Variants in NTM observed in about 807,000 individuals in gnomAD.
NTM encodes neurotrimin, also known as IgLON family member 2.
NTM carries 13 observed loss-of-function variants against 42.1 expected under a neutral mutation model. The observed-to-expected ratio is 0.31, with a 90% CI of 0.20 to 0.49. The LOEUF is 0.49. Among genes scored for constraint, NTM ranks in the 20% least tolerant of loss-of-function variants. The probability of loss-of-function intolerance (pLI) is 0.99; values close to 1 mark genes in which losing one functional copy is unlikely to be tolerated. For missense variants in NTM, 373 were observed against 452.8 expected, an observed-to-expected ratio of 0.82 and a Z score of 1.60; for synonymous variants, 187 against 179.2, an observed-to-expected ratio of 1.04 and a Z score of -0.35.
In NTM at chr11:131,540,099, T is replaced by C. The variant is rs142354030; in HGVS notation, c.82+169211T>C. Among the ~76,000 whole-genome samples the C allele has an allele frequency of 8.8e-3, 1,328 of 150,778 alleles. 14 individuals carry two copies. The highest frequency in any genetic ancestry group is 0.023 in the South Asian group (108 of 4,740). On this transcript the variant is annotated intron_variant, in intron 1 of 8. Coordinates refer to ENST00000683400, the MANE Select transcript of NTM (RefSeq NM_001352005.2). ...TCTGGCTGATTCATTAGAAAATGCA[T>C]AGCAACTCAACATTTCTGAAAACAG...
intron 4 of NTM, among the ~76,000 whole-genome samples, chr11:132,238,823 G>A (rs997877903): frequency 6.6e-6 from 1 of 152,146 alleles, no homozygotes. Flanking sequence ...GCAGGTCTGG[G>A]GTAGGGCTGA....
chr11:132,322,043 A>G lies in NTM; in HGVS notation c.934+7340A>G, dbSNP rs112114642. Reference sequence around the variant, plus strand: ...CCTGAAGGAAGTGCTAAACATGGAAAGGAACAACTGGTACCATCCACTGCA... The same window carrying G: ...CCTGAAGGAAGTGCTAAACATGGAAGGGAACAACTGGTACCATCCACTGCA... On this transcript the variant is annotated intron_variant, in intron 7 of 8. Coordinates refer to ENST00000683400, the MANE Select transcript of NTM (RefSeq NM_001352005.2). 7.7e-3 allele frequency among the ~76,000 whole-genome samples: 1,177 copies of G among 152,296 alleles called. 14 individuals carry two copies. Among genetic ancestry groups the G allele is most frequent in the Middle Eastern group, 0.068 (20 of 294 alleles).
At chr11:132,313,089 TAA>T (rs2095325945) in intron 6 of NTM, among the ~76,000 whole-genome samples, 4 of 152,146 alleles carry the variant, frequency 2.6e-5, no homozygotes, top group Non-Finnish European at 5.9e-5. Context: ...AAGGTTACTG[TAA>T]GTTGCAGGAG....
intron 1 of NTM, among the ~76,000 whole-genome samples, chr11:131,444,657 G>T (rs139544263): frequency 6.6e-6 from 1 of 152,286 alleles, no homozygotes; most frequent in East Asian, 1.9e-4. Context: ...CTATACTAGA[G>T]CCTTAAGAAG....
intron 1 of NTM, among the ~76,000 whole-genome samples, chr11:131,785,299 CAGCG>C (rs2136046116): frequency 6.6e-6 from 1 of 152,220 alleles, no homozygotes; most frequent in Non-Finnish European, 1.5e-5. Flanking sequence ...ATGGTGAGGC[CAGCG>C]TCGGATCAGA....
At chr11:131,680,979 C>T (rs1404941003) in intron 1 of NTM, among the ~76,000 whole-genome samples, 3 of 29,790 alleles carry the variant, frequency 1.0e-4, no homozygotes, top group African/African-American at 3.0e-4. Context: ...GTATGTCTCC[C>T]TGTGTGTGTG....
chr11:132,159,270 C>T (rs1002094321), intron 3 of NTM, among the ~76,000 whole-genome samples: 1 of 152,180 alleles, frequency 6.6e-6, no homozygotes, highest in African/African-American at 2.4e-5. Flanking sequence ...TGGAAGGGGT[C>T]CCGTGGCCAC....
chr11:131,663,776 C>A (rs1421777894), intron 1 of NTM, among the ~76,000 whole-genome samples: 3 of 151,934 alleles, frequency 2.0e-5, no homozygotes, highest in Admixed American at 6.6e-5. Flanking sequence ...AAGTGTCAGA[C>A]GTCTTACTAA....
At chr11:131,719,842 G>A (rs1346758999) in intron 1 of NTM, among the ~76,000 whole-genome samples, 4 of 152,184 alleles carry the variant, frequency 2.6e-5, no homozygotes, top group Admixed American at 2.0e-4. Context: ...TTCAACTTTA[G>A]GCGAAACTCA....
intron 1 of NTM, among the ~76,000 whole-genome samples, chr11:131,433,410 T>A (rs1948850922): frequency 6.6e-6 from 1 of 152,210 alleles, no homozygotes; most frequent in Non-Finnish European, 1.5e-5. Context: ...GGAACTCCCA[T>A]CACCACTAAC....
intron 4 of NTM, among the ~76,000 whole-genome samples, chr11:132,268,773 T>G (rs2139658416): frequency 6.6e-6 from 1 of 152,164 alleles, no homozygotes; most frequent in Non-Finnish European, 1.5e-5. Flanking sequence ...GCTAATATTT[T>G]AGTTCCATAG....
chr11:132,071,323 A>G (rs1170154760), intron 2 of NTM, among the ~76,000 whole-genome samples: 6 of 128,410 alleles, frequency 4.7e-5, no homozygotes, highest in African/African-American at 9.6e-5. Context: ...CACACTGACC[A>G]TCACAGGTTA....
intron 1 of NTM, among the ~76,000 whole-genome samples, chr11:131,432,799 C>G (rs183786347): frequency 2.2e-5 from 3 of 139,462 alleles, no homozygotes; most frequent in Admixed American, 7.4e-5. Context: ...TTCATAAATT[C>G]TAGACATTCA....
chr11:131,493,060 AAAG>A (rs984286309), intron 1 of NTM, among the ~76,000 whole-genome samples: 1 of 152,028 alleles, frequency 6.6e-6, no homozygotes, highest in Non-Finnish European at 1.5e-5. Context: ...CTACCAAAAA[AAAG>A]AAAAAAATAC....
At chr11:131,929,324 G>A (rs1370707443) in intron 2 of NTM, among the ~76,000 whole-genome samples, 1 of 141,070 alleles carries the variant, frequency 7.1e-6, no homozygotes, top group African/African-American at 2.5e-5. Flanking sequence ...CTGAACCAAC[G>A]GGGGGGCACA....
intron 2 of NTM, among the ~76,000 whole-genome samples, chr11:132,143,196 T>G (rs2069565371): frequency 6.6e-6 from 1 of 152,148 alleles, no homozygotes; most frequent in Non-Finnish European, 1.5e-5. Context: ...AACTCTCATT[T>G]TTGCCAGGAA....
At chr11:132,250,608 T>C (rs2091834605) in intron 4 of NTM, among the ~76,000 whole-genome samples, 1 of 151,924 alleles carries the variant, frequency 6.6e-6, no homozygotes, top group Non-Finnish European at 1.5e-5. Flanking sequence ...TTTTTTTTTT[T>C]CGTTACTTAA....
chr11:132,310,257 C>T, intron 6 of NTM, 25 bp downstream of exon 6: 2 of 1,553,986 alleles, frequency 1.3e-6, no homozygotes, highest in Non-Finnish European at 1.7e-6. Context: ...TTTCCTATCC[C>T]ACCCCTACCC....
intron 1 of NTM, among the ~76,000 whole-genome samples, chr11:131,600,141 C>T (rs3018603): frequency 0.8 from 121,266 of 152,108 alleles, 48,387 homozygotes; most frequent in African/African-American, 0.84. Context: ...TGTGCATGTT[C>T]GGACCCTCCT....
Sources: allele counts gnomAD v4.1 joint callset (sites outside exome capture counted in the v4.1 genomes callset), GRCh38; gene constraint gnomAD v4.1.1; transcripts MANE v1.5; gene names NCBI Gene and HGNC (gene_info 2026-07-23, HGNC 2026-07-21).